CHAT: variants seen among roughly 807,000 people sequenced by gnomAD.
The protein encoded by CHAT is acetyl CoA:choline O-acetyltransferase.
CHAT carries 61 observed loss-of-function variants against 76.9 expected under a neutral mutation model. That is an observed-to-expected ratio of 0.79 (90% CI 0.65 to 0.98). The LOEUF is 0.98. Ranked by LOEUF, CHAT falls within the 50% of genes least tolerant of loss-of-function variation. The probability of loss-of-function intolerance (pLI) is 0.00; values close to 1 mark genes in which losing one functional copy is unlikely to be tolerated. For synonymous variants in CHAT, 407 were observed against 397.4 expected (o/e 1.02, Z -0.29); for missense variants, 946 against 986.9 (o/e 0.96, Z 0.56).
intron 11 of CHAT, 95 bp downstream of exon 11, chr10:49,652,101 C>G: frequency 6.5e-7 from 1 of 1,537,286 alleles, no homozygotes; most frequent in Non-Finnish European, 9.0e-7. Context: ...GGAGGGACAG[C>G]CTTCTGTGGG....
intron 7 of CHAT, among the ~76,000 whole-genome samples, chr10:49,635,889 C>T (rs910720657): frequency 6.6e-6 from 1 of 152,106 alleles, no homozygotes; most frequent in African/African-American, 2.4e-5. Context: ...CTACTCTTAC[C>T]ACTCTGTTTA....
chr10:49,609,463 T>G (rs1328087898), upstream of CHAT, among the ~76,000 whole-genome samples: 14 of 123,000 alleles, frequency 1.1e-4, no homozygotes, highest in South Asian at 5.2e-4. Context: ...GGGGAGGGGG[T>G]GCGGCGGCGG....
At chr10:49,612,645 T>G, upstream of CHAT, 10 of 346,084 alleles carry the variant, frequency 2.9e-5, no homozygotes, top group Non-Finnish European at 3.3e-5. Context: ...CTTCCTTCCA[T>G]TGCTCCCAGT....
chr10:49,649,679 C>A (rs1253611917), intron 10 of CHAT, 43 bp downstream of exon 10: 9 of 1,611,454 alleles, frequency 5.6e-6, no homozygotes, highest in Non-Finnish European at 6.8e-6. Flanking sequence ...CCCTAGGGAC[C>A]ACCCCGCCCT....
rs558365473 is a variant in CHAT at position 49,659,398 on chromosome 10, A to AC, written c.1840-3246dup. On this transcript the variant is annotated intron_variant, in intron 13 of 14. Coordinates refer to ENST00000337653, the MANE Select transcript of CHAT (RefSeq NM_020549.5). ...AGAGGAAATCATAGGCTGAAAAAAA[A>AC]CAGAAGATTTAACACAAGAAAAAGA... 1.6e-3 allele frequency among the ~76,000 whole-genome samples: 237 copies of AC among 152,106 alleles called. 2 individuals carry two copies. Among genetic ancestry groups the AC allele is most frequent in the African/African-American group, 5.5e-3 (227 of 41,494 alleles).
chr10:49,661,801 T>A (rs1840202227), intron 13 of CHAT, among the ~76,000 whole-genome samples: 1 of 152,094 alleles, frequency 6.6e-6, no homozygotes, highest in African/African-American at 2.4e-5. Flanking sequence ...ATACCCAGCC[T>A]CAAGTGGGGG....
chr10:49,636,001 A>G (rs534700206), intron 7 of CHAT, among the ~76,000 whole-genome samples: 1 of 152,218 alleles, frequency 6.6e-6, no homozygotes, highest in Non-Finnish European at 1.5e-5. Flanking sequence ...CTTTTATGAA[A>G]TGATTATGTA....
chr10:49,612,976 C>T (rs1028108920), upstream of CHAT: 3 of 152,362 alleles, frequency 2.0e-5, no homozygotes, highest in Non-Finnish European at 4.4e-5. Context: ...GCGCAGAGCC[C>T]GGGGATGCCG....
At chr10:49,655,747 A>G (rs1027451390) in intron 13 of CHAT, among the ~76,000 whole-genome samples, 2 of 152,224 alleles carry the variant, frequency 1.3e-5, no homozygotes, top group Non-Finnish European at 2.9e-5. Context: ...CAGTTTATAC[A>G]AGAGGAGTCA....
At chr10:49,620,057 A>G in intron 3 of CHAT, 141 bp downstream of exon 3, 1 of 826,102 alleles carries the variant, frequency 1.2e-6, no homozygotes, top group Non-Finnish European at 1.9e-6. Flanking sequence ...TAGGTGTGGG[A>G]ACAGGCAGGT....
Position 49,614,130 on chromosome 10 carries a change from G to T in CHAT, c.-60G>T. 1 of 1,546,046 alleles carries T rather than the reference G, an allele frequency of 6.5e-7. No homozygotes were observed. The highest frequency in any genetic ancestry group is 8.7e-7 in the Non-Finnish European group (1 of 1,146,584). ...TGTTGCCCGAGTTCCTCCGGGAAGCGCTCCGGGTAGATTCTGGGGGCCGGG... is the reference window on the plus strand; with the variant it reads ...TGTTGCCCGAGTTCCTCCGGGAAGCTCTCCGGGTAGATTCTGGGGGCCGGG... On this transcript the variant is annotated 5_prime_UTR_variant, in exon 1 of 15. Transcript: ENST00000337653.
In CHAT at chr10:49,648,726, T is replaced by TACACACACAC. The variant is rs10580502; in HGVS notation, c.1382+142_1382+151dup. 1,595 of 584,040 alleles carry TACACACACAC rather than the reference T, an allele frequency of 2.7e-3. 11 individuals carry two copies. The highest frequency in any genetic ancestry group is 0.025 in the African/African-American group (1,343 of 53,224). 36.2% of individuals were successfully genotyped at this position (584,040 alleles called of 1,614,324 possible). A position where few individuals can be genotyped will look rare whatever the true frequency, so the allele number is the denominator to read the frequency against. On this transcript the variant is annotated intron_variant, in intron 9 of 14. Transcript: ENST00000337653. ...ATGAATTTGAAAAAAATGTGTACTA[T>TACACACACAC]ACACACACACACACACACACACACA...
chr10:49,644,707 C>T (rs115492411), intron 7 of CHAT, among the ~76,000 whole-genome samples: 2,302 of 152,174 alleles, frequency 0.015, 41 homozygotes, highest in African/African-American at 0.041. Flanking sequence ...CCAGGATTTG[C>T]AAAAAGTGAG....
chr10:49,664,943 T>C lies in CHAT; in HGVS notation c.2144T>C (p.Leu715Pro), dbSNP rs1590630957. Reference protein sequence around the residue: ...SKFAKAVEESLIDMRDLCSLL... With the variant: ...SKFAKAVEESPIDMRDLCSLL... ...TTTGCAAAAGCTGTGGAAGAAAGCC[T>C]CATTGACATGAGAGACCTCTGCAGT... Residue 715 changes from leucine to proline, a missense_variant, in exon 15 of 15, where the codon CTC (leucine) becomes CCC (proline). Physicochemically the swap from Leu to Pro is moderately conservative, Grantham distance 98. Transcript: ENST00000337653. The C allele has an allele frequency of 6.2e-7, 1 of 1,614,238 alleles. No homozygotes were observed. The highest frequency in any genetic ancestry group is 8.5e-7 in the Non-Finnish European group (1 of 1,180,046).
intron 8 of CHAT, chr10:49,646,964 G>A (rs1230670846): frequency 4.0e-6 from 2 of 497,452 alleles, no homozygotes; most frequent in Admixed American, 6.6e-5. Flanking sequence ...AGGAAGGTCT[G>A]GGCCAGACCT....
chr10:49,646,557 A>G lies in CHAT; in HGVS notation c.1164A>G (p.Val388=). ...LDMIERCICL[V]CLDAPGGVEL... ...TGATTGAGCGCTGCATCTGCCTTGT[A>G]TGCCTGGACGCGCCAGGAGGCGTGG... Residue 388 remains valine, a synonymous_variant, in exon 8 of 15, where the codon GTA becomes GTG. Coordinates refer to ENST00000337653, the MANE Select transcript of CHAT (RefSeq NM_020549.5). 6.2e-7 allele frequency: 1 copy of G among 1,614,184 alleles called. No individual in the cohort carries two copies. Among genetic ancestry groups the G allele is most frequent in the South Asian group, 1.1e-5 (1 of 91,084 alleles).
upstream of CHAT, chr10:49,611,672 C>T (rs1296151247): frequency 1.2e-6 from 2 of 1,611,404 alleles, no homozygotes; most frequent in Admixed American, 1.7e-5. Context: ...CTCGAACCCA[C>T]CATTGCCACG....
rs1013445287 is a variant in CHAT at position 49,646,572 on chromosome 10, A to G, written c.1179A>G (p.Pro393=). The change falls in exon 8 of 15, where the codon CCA becomes CCG. Residue 393 remains proline, a synonymous_variant. Transcript: ENST00000337653. ...TCTGCCTTGTATGCCTGGACGCGCCAGGAGGCGTGGAGCTCAGCGACACCC... is the reference window on the plus strand; with the variant it reads ...TCTGCCTTGTATGCCTGGACGCGCCGGGAGGCGTGGAGCTCAGCGACACCC... ...RCICLVCLDA[P]GGVELSDTHR... is the part of the protein sequence containing the mutation. The G allele has an allele frequency of 6.2e-7, 1 of 1,614,200 alleles. No homozygotes were observed. The highest frequency in any genetic ancestry group is 8.5e-7 in the Non-Finnish European group (1 of 1,180,020).
intron 5 of CHAT, among the ~76,000 whole-genome samples, chr10:49,622,700 C>A (rs564560851): frequency 6.6e-6 from 1 of 152,116 alleles, no homozygotes; most frequent in Non-Finnish European, 1.5e-5. Flanking sequence ...GGAGAGTAAG[C>A]GGGTCTGGAG....
Sources: gnomAD v4.1 joint callset for allele counts (sites outside exome capture counted in the v4.1 genomes callset) on GRCh38, gnomAD v4.1.1 for gene constraint, MANE v1.5 for transcripts, NCBI Gene and HGNC (gene_info 2026-07-23, HGNC 2026-07-21) for gene names.